The following ARHGEF3 variants were observed in gnomAD, a reference collection of about 807,000 sequenced individuals.
ARHGEF3 encodes Rho guanine nucleotide exchange factor 3.
Under a neutral mutation model 63.2 loss-of-function variants are expected in ARHGEF3, and 28 were observed. The ratio of observed to expected loss-of-function variants is 0.44; its 90% confidence interval spans 0.33 to 0.61. The LOEUF is 0.61. Ranked by LOEUF, ARHGEF3 falls within the 20% of genes least tolerant of loss-of-function variation. ARHGEF3 has a pLI of 0.03. For synonymous variants in ARHGEF3, 266 were observed against 254.2 expected (o/e 1.05, Z -0.44); for missense variants, 533 against 659.3 (o/e 0.81, Z 2.10).
At chr3:56,835,355 T>C (rs1360565581) in intron 4 of ARHGEF3, among the ~76,000 whole-genome samples, 1 of 152,054 alleles carries the variant, frequency 6.6e-6, no homozygotes, top group Non-Finnish European at 1.5e-5. Flanking sequence ...TTTGTATTTT[T>C]AGTAGAGATG....
chr3:56,994,892 C>T (rs1701912120), intron 2 of ARHGEF3, among the ~76,000 whole-genome samples: 1 of 152,094 alleles, frequency 6.6e-6, no homozygotes, highest in African/African-American at 2.4e-5. Context: ...TTCCCCCTTG[C>T]TGTTCTTGTG....
chr3:56,949,999 T>G (rs1699721145), intron 3 of ARHGEF3, among the ~76,000 whole-genome samples: 1 of 152,014 alleles, frequency 6.6e-6, no homozygotes, highest in Admixed American at 6.5e-5. Flanking sequence ...CATCTGATCT[T>G]TGACAAACCT....
chr3:57,010,572 C>A (rs1341497171), intron 2 of ARHGEF3, among the ~76,000 whole-genome samples: 1 of 151,708 alleles, frequency 6.6e-6, no homozygotes. Context: ...GTTGTACATA[C>A]AAAACTATGC....
intron 4 of ARHGEF3, among the ~76,000 whole-genome samples, chr3:56,834,130 C>G (rs548745647): frequency 6.6e-6 from 1 of 152,256 alleles, no homozygotes; most frequent in Admixed American, 6.5e-5. Context: ...GTTCCGAACT[C>G]CTGACCTTGT....
At chr3:56,927,332 A>C (rs116493574) in intron 3 of ARHGEF3, among the ~76,000 whole-genome samples, 5 of 152,252 alleles carry the variant, frequency 3.3e-5, no homozygotes, top group African/African-American at 1.2e-4. Context: ...CATGACGGAT[A>C]ATAAGCCCCC....
intron 1 of ARHGEF3, among the ~76,000 whole-genome samples, chr3:56,793,937 A>G (rs1304313870): frequency 6.6e-6 from 1 of 152,246 alleles, no homozygotes; most frequent in African/African-American, 2.4e-5. Flanking sequence ...TTGACATAGT[A>G]TCATACAGTA....
intron 4 of ARHGEF3, among the ~76,000 whole-genome samples, chr3:56,855,193 C>A (rs1311263922): frequency 6.6e-6 from 1 of 151,996 alleles, no homozygotes; most frequent in East Asian, 1.9e-4. Flanking sequence ...TGCCTGCAGT[C>A]ACCAAAGGGT....
chr3:56,835,998 T>C (rs2039095133), intron 4 of ARHGEF3, among the ~76,000 whole-genome samples: 1 of 152,252 alleles, frequency 6.6e-6, no homozygotes, highest in Non-Finnish European at 1.5e-5. Context: ...GAAAAACTGT[T>C]GGTGTTTAGC....
intron 1 of ARHGEF3, among the ~76,000 whole-genome samples, chr3:56,774,141 C>G (rs897956158): frequency 1.3e-5 from 2 of 152,164 alleles, no homozygotes; most frequent in African/African-American, 4.8e-5. Context: ...CTCCCCACCC[C>G]TTCTGTAGAG....
chr3:56,946,536 CA>C (rs1376542093), intron 3 of ARHGEF3, among the ~76,000 whole-genome samples: 27 of 152,048 alleles, frequency 1.8e-4, no homozygotes, highest in Admixed American at 1.8e-3. Flanking sequence ...AGTGATGGAA[CA>C]TCAAATGAAT....
chr3:56,829,815 T>TG (rs1485710634), intron 4 of ARHGEF3, among the ~76,000 whole-genome samples: 1 of 152,176 alleles, frequency 6.6e-6, no homozygotes, highest in African/African-American at 2.4e-5. Flanking sequence ...CATCAGTCAA[T>TG]GGGTTACATA....
intron 3 of ARHGEF3, among the ~76,000 whole-genome samples, chr3:56,894,155 A>G (rs902316996): frequency 1.2e-4 from 18 of 152,302 alleles, no homozygotes; most frequent in African/African-American, 4.3e-4. Context: ...GGGCTGGCAG[A>G]TAAATAATCC....
At chr3:56,772,375 C>T (rs2036053987) in intron 2 of ARHGEF3, among the ~76,000 whole-genome samples, 1 of 152,172 alleles carries the variant, frequency 6.6e-6, no homozygotes, top group Admixed American at 6.5e-5. Context: ...GAACCTCAAA[C>T]AGTTCTCAAG....
chr3:57,014,995 AACTTTTTTCATGT>A (rs1463120036), intron 2 of ARHGEF3, among the ~76,000 whole-genome samples: 1 of 151,458 alleles, frequency 6.6e-6, no homozygotes, highest in Non-Finnish European at 1.5e-5. Flanking sequence ...AAAGCTTGTT[AACTTTTTTCATGT>A]ACTTTTTTTT....
chr3:56,985,338 C>T (rs1701492646), intron 2 of ARHGEF3, among the ~76,000 whole-genome samples: 1 of 152,264 alleles, frequency 6.6e-6, no homozygotes, highest in Non-Finnish European at 1.5e-5. Context: ...ATCTGCCCGC[C>T]TCGGCCTCCC....
At chr3:56,983,911 A>C (rs1701427601) in intron 2 of ARHGEF3, among the ~76,000 whole-genome samples, 1 of 136,264 alleles carries the variant, frequency 7.3e-6, no homozygotes, top group African/African-American at 2.7e-5. Context: ...ACTCCAGCCT[A>C]GTGACAGAGC....
At chr3:57,043,653 G>T (rs1349963627) in intron 1 of ARHGEF3, among the ~76,000 whole-genome samples, 1 of 152,158 alleles carries the variant, frequency 6.6e-6, no homozygotes, top group African/African-American at 2.4e-5. Flanking sequence ...GTGAATAAGA[G>T]CCTACCAGGT....
rs550469672 is a variant in ARHGEF3, at chr3:56,908,046, A to T, written c.130-25692T>A. Among the ~76,000 whole-genome samples, 116 of 152,336 alleles carry T rather than the reference A, an allele frequency of 7.6e-4. 1 individual carries two copies. In the South Asian group the frequency reaches 0.023, roughly 31 times the overall value. ...CAAAAGAAGTACAGTTATCATTGCT[A>T]CAAAGAAAAAGAGCCTCCTTACCCT... is the stretch of plus-strand genomic sequence containing the variant. On this transcript the variant is annotated intron_variant, in intron 3 of 12. Transcript: ENST00000338458.
At chr3:56,831,963 G>A (rs186621957) in intron 4 of ARHGEF3, among the ~76,000 whole-genome samples, 1 of 152,364 alleles carries the variant, frequency 6.6e-6, no homozygotes, top group Admixed American at 6.5e-5. Context: ...GTATGATCGT[G>A]AGTTACCGTG....
Sources: gnomAD v4.1 joint callset for allele counts (sites outside exome capture counted in the v4.1 genomes callset) on GRCh38, gnomAD v4.1.1 for gene constraint, MANE v1.5 for transcripts, NCBI Gene and HGNC (gene_info 2026-07-23, HGNC 2026-07-21) for gene names.